ITFG2: variants seen among roughly 807,000 people sequenced by gnomAD.
The protein encoded by ITFG2 is KICSTOR complex protein ITFG2.
Under a neutral mutation model 54.4 loss-of-function variants are expected in ITFG2, and 36 were observed. The ratio of observed to expected loss-of-function variants is 0.66; its 90% CI spans 0.51 to 0.87. The LOEUF is 0.87. Ranked by LOEUF, ITFG2 falls within the 40% of genes least tolerant of loss-of-function variation. ITFG2 has a pLI of 0.00. For missense variants in ITFG2, 524 were observed against 576.7 expected, an observed-to-expected ratio of 0.91 and a Z score of 0.94; for synonymous variants, 211 against 225.4, an observed-to-expected ratio of 0.94 and a Z score of 0.57.
chr12:2,827,360 C>T (rs36095731), downstream of ITFG2: 81,733 of 1,560,614 alleles, frequency 0.052, 3,937 homozygotes, highest in East Asian at 0.3. This position sits in a 1 kb window ranked among gnomAD's most constrained non-coding sequence, Gnocchi z 4.0. Flanking sequence ...TCCCGGCCTG[C>T]TCCTTTTGTT....
chr12:2,851,786 C>A (rs1337299062), intron 2 of ITFG2, among the ~76,000 whole-genome samples: 1 of 152,214 alleles, frequency 6.6e-6, no homozygotes, highest in East Asian at 1.9e-4. Context: ...TCAAGTGATT[C>A]TCCTGCCTCA....
intron 2 of ITFG2, among the ~76,000 whole-genome samples, chr12:2,848,869 A>ACACACG (rs1427962302): frequency 1.2e-4 from 13 of 108,922 alleles, no homozygotes; most frequent in African/African-American, 3.3e-4. Context: ...CCCAACAGAC[A>ACACACG]CACACACGCA....
Position 2,824,098 on chromosome 12 carries a change from G to A in ITFG2, c.1249G>A (p.Asp417Asn), listed in dbSNP as rs375751841. 30 of 1,613,838 alleles carry A rather than the reference G, an allele frequency of 1.9e-5. No individual in the cohort carries two copies. Among genetic ancestry groups the A allele is most frequent in the African/African-American group, 1.2e-4 (9 of 74,860 alleles). ...CCCTTCTTGGCTCTCAGATCCTGACGACCTCCCTGTGACTCGTGCCCTGCT... is the reference window on the plus strand; with the variant it reads ...CCCTTCTTGGCTCTCAGATCCTGACAACCTCCCTGTGACTCGTGCCCTGCT... ...LLQELGVDPD[D>N]LPVTRALLHQ... The change falls in exon 12 of 12, where the codon GAC (aspartate) becomes AAC (asparagine). Residue 417 changes from aspartate to asparagine, a missense_variant. Asp to Asn is a conservative substitution (Grantham distance 23). Transcript: ENST00000228799.
chr12:2,854,433 G>A (rs2098080931), intron 2 of ITFG2, among the ~76,000 whole-genome samples: 1 of 152,220 alleles, frequency 6.6e-6, no homozygotes, highest in South Asian at 2.1e-4. Context: ...AGGGAGCTGA[G>A]GCTGGAGAAG....
chr12:2,832,506 G>A (rs1375114502), upstream of ITFG2, among the ~76,000 whole-genome samples: 3 of 151,894 alleles, frequency 2.0e-5, no homozygotes, highest in African/African-American at 4.8e-5. Flanking sequence ...TTGAGAGAGA[G>A]GTTGTATCTT....
downstream of ITFG2, chr12:2,827,752 TC>T: frequency 1.2e-6 from 2 of 1,610,944 alleles, no homozygotes; most frequent in South Asian, 2.2e-5. This position sits in a 1 kb window ranked among gnomAD's most constrained non-coding sequence, Gnocchi z 4.0. Flanking sequence ...TAGCCGTTGC[TC>T]CTTCTCTGCC....
At chr12:2,816,062 C>T (rs1330288808) in intron 1 of ITFG2, among the ~76,000 whole-genome samples, 6 of 147,816 alleles carry the variant, frequency 4.1e-5, no homozygotes, top group African/African-American at 7.5e-5. Flanking sequence ...GACAGAGTCT[C>T]GCTCTGTCAT....
intron 1 of ITFG2, among the ~76,000 whole-genome samples, chr12:2,839,315 A>G (rs1565440021): frequency 6.6e-6 from 1 of 152,130 alleles, no homozygotes; most frequent in Admixed American, 6.5e-5. Flanking sequence ...TAATTAATCA[A>G]CAAGGAATAA....
downstream of ITFG2, among the ~76,000 whole-genome samples, chr12:2,829,391 G>T (rs1462197573): frequency 6.6e-6 from 1 of 152,170 alleles, no homozygotes; most frequent in Non-Finnish European, 1.5e-5. Context: ...TTACCGGAAG[G>T]TATATCAATG....
At chr12:2,839,784 C>A (rs141683008) in intron 1 of ITFG2, among the ~76,000 whole-genome samples, 3 of 152,258 alleles carry the variant, frequency 2.0e-5, no homozygotes, top group Non-Finnish European at 4.4e-5. Context: ...TAAAAAATAA[C>A]AAAATCATGT....
At chr12:2,819,758 A>G (rs1192878923) in intron 4 of ITFG2, 5 of 150,466 alleles carry the variant, frequency 3.3e-5, no homozygotes, top group East Asian at 1.8e-4. Flanking sequence ...ACATTTGGTG[A>G]AAAAAAAAAA....
Position 2,845,426 on chromosome 12 carries a change from C to T in ITFG2, n.300+4431C>T, listed in dbSNP as rs2098051112. Among the ~76,000 whole-genome samples the T allele has an allele frequency of 6.6e-6, 1 of 152,208 alleles. No individual in the cohort carries two copies. The highest frequency in any genetic ancestry group is 1.5e-5 in the Non-Finnish European group (1 of 68,030). On this transcript the variant is annotated intron_variant and non_coding_transcript_variant, in intron 2 of 3. Coordinates refer to the ITFG2 transcript ENST00000537710. This position sits in a 1 kb window ranked among gnomAD's most constrained non-coding sequence, Gnocchi z 4.2. ...CCAGTCCCCACAGCTTCCCGACTCC[C>T]TGGCCCCAGCCATTCCTCAAGCTCC...
downstream of ITFG2, chr12:2,828,448 C>G: frequency 6.5e-7 from 1 of 1,540,518 alleles, no homozygotes. Flanking sequence ...ATCAGTGAGT[C>G]CCTAGGAGAA....
intron 9 of ITFG2, 53 bp downstream of exon 9, chr12:2,821,845 GA>G (rs1223177776): frequency 4.5e-6 from 6 of 1,335,844 alleles, no homozygotes; most frequent in Non-Finnish European, 6.4e-6. Flanking sequence ...CACATGGAGA[GA>G]TGAGATTTGG....
intron 1 of ITFG2, chr12:2,840,839 TAGAAAAAAG>T (rs1344245996): frequency 2.6e-5 from 4 of 151,844 alleles, no homozygotes; most frequent in African/African-American, 4.9e-5. Context: ...TTTTTTTTTG[TAGAAAAAAG>T]AGAAAAAAGC....
intron 2 of ITFG2, among the ~76,000 whole-genome samples, chr12:2,849,946 A>G (rs1218775330): frequency 6.6e-6 from 1 of 152,208 alleles, no homozygotes; most frequent in Non-Finnish European, 1.5e-5. Context: ...AGTAGGAAAC[A>G]GACTTTTGTT....
At chr12:2,816,369 G>T (rs1232433515) in intron 1 of ITFG2, among the ~76,000 whole-genome samples, 1 of 122,598 alleles carries the variant, frequency 8.2e-6, no homozygotes, top group African/African-American at 3.2e-5. Context: ...TCGCTCTGTC[G>T]CCCAGGCTGG....
chr12:2,834,146 G>A (rs185345002), upstream of ITFG2, among the ~76,000 whole-genome samples: 104 of 152,268 alleles, frequency 6.8e-4, no homozygotes, highest in Admixed American at 5.2e-3. Flanking sequence ...AGGGGCCCCC[G>A]GCAAGAGCCA....
At chr12:2,849,455 T>C (rs916356876) in intron 2 of ITFG2, 1 of 1,536,098 alleles carries the variant, frequency 6.5e-7, no homozygotes, top group Non-Finnish European at 8.7e-7. Flanking sequence ...GCGAAATTAT[T>C]GGGAAACGGG....
Sources: gnomAD v4.1 joint callset for allele counts (sites outside exome capture counted in the v4.1 genomes callset) on GRCh38, gnomAD v4.1.1 for gene constraint, Gnocchi (gnomAD v3.1) non-coding constraint, MANE v1.5 for transcripts, NCBI Gene and HGNC (gene_info 2026-07-23, HGNC 2026-07-21) for gene names.